The following STARD13 variants were observed in gnomAD, a reference collection of about 807,000 sequenced individuals.
The protein encoded by STARD13 is stAR-related lipid transfer protein 13.
Under a neutral mutation model 106.4 loss-of-function variants are expected in STARD13, and 62 were observed. The observed-to-expected ratio is 0.58, with a 90% CI of 0.48 to 0.72. STARD13 has a LOEUF of 0.72. Among genes scored for constraint, STARD13 ranks in the 30% least tolerant of loss-of-function variants. The pLI is 0.00. For synonymous variants in STARD13, 565 were observed against 553.0 expected, an observed-to-expected ratio of 1.02 and a Z score of -0.31; for missense variants, 1,387 against 1,424.0, an observed-to-expected ratio of 0.97 and a Z score of 0.42.
chr13:33,108,160 G>A (rs181612124), intron 12 of STARD13, among the ~76,000 whole-genome samples: 63 of 152,340 alleles, frequency 4.1e-4, no homozygotes, highest in Non-Finnish European at 7.3e-5. Context: ...CTAGCAATGG[G>A]TGTGACATGA....
intron 1 of STARD13, among the ~76,000 whole-genome samples, chr13:33,198,391 A>G (rs781372319): frequency 1.3e-5 from 2 of 151,930 alleles, no homozygotes. Context: ...CCTTGGCCCT[A>G]TCTGTCTCCT....
chr13:33,437,462 G>A, the STARD13 span, among the ~76,000 whole-genome samples: 6 of 152,098 alleles, frequency 3.9e-5, no homozygotes, highest in Admixed American at 1.3e-4. Context: ...CCTGCGGCTC[G>A]TCCTGCTACA....
the STARD13 span, among the ~76,000 whole-genome samples, chr13:33,632,518 TC>T: frequency 6.6e-6 from 1 of 152,214 alleles, no homozygotes; most frequent in South Asian, 2.1e-4. Flanking sequence ...TTGGGTGTAT[TC>T]AAGGGATTTT....
At chr13:33,315,906 T>C (rs1011230598) in intron 1 of STARD13, among the ~76,000 whole-genome samples, 5 of 152,012 alleles carry the variant, frequency 3.3e-5, no homozygotes, top group Admixed American at 6.6e-5. Context: ...TTGGGAGCAG[T>C]GGTTGATGCT....
chr13:33,249,780 A>ATTAT (rs746978904), intron 1 of STARD13, among the ~76,000 whole-genome samples: 11 of 151,862 alleles, frequency 7.2e-5, no homozygotes, highest in East Asian at 3.9e-4. Context: ...ATTATCTGTT[A>ATTAT]TTATTTATTT....
At chr13:33,567,340 A>G in the STARD13 span, among the ~76,000 whole-genome samples, 51 of 148,588 alleles carry the variant, frequency 3.4e-4, 6 homozygotes, top group South Asian at 9.2e-3. Context: ...GGAAAATCAG[A>G]TCTTAGTAAA....
intron 1 of STARD13, among the ~76,000 whole-genome samples, chr13:33,241,593 C>G (rs912716142): frequency 4.7e-5 from 7 of 149,982 alleles, no homozygotes; most frequent in African/African-American, 1.2e-4. Context: ...GATGCCGAGC[C>G]GAGGCTGGAC....
the STARD13 span, among the ~76,000 whole-genome samples, chr13:33,551,568 C>CT: frequency 8.9e-4 from 40 of 44,794 alleles, 17 homozygotes; most frequent in South Asian, 3.9e-3. Flanking sequence ...TTTGCTTTTC[C>CT]CTTTTTTTTT....
chr13:33,639,965 C>G, the STARD13 span, among the ~76,000 whole-genome samples: 1 of 152,132 alleles, frequency 6.6e-6, no homozygotes, highest in Non-Finnish European at 1.5e-5. Flanking sequence ...GTTTTTCTCT[C>G]GACATTGGGT....
intron 1 of STARD13, among the ~76,000 whole-genome samples, chr13:33,194,896 C>G (rs1886507441): frequency 6.6e-6 from 1 of 152,244 alleles, no homozygotes; most frequent in African/African-American, 2.4e-5. Flanking sequence ...GCAGCCCCCT[C>G]TTGTATAAAC....
intron 1 of STARD13, among the ~76,000 whole-genome samples, chr13:33,172,216 A>G (rs1301257961): frequency 2.0e-5 from 3 of 152,226 alleles, no homozygotes. Context: ...ATTTTCTTAT[A>G]TAATGATCTT....
the STARD13 span, among the ~76,000 whole-genome samples, chr13:33,651,485 T>C: frequency 1.3e-5 from 2 of 152,226 alleles, no homozygotes; most frequent in East Asian, 1.9e-4. Context: ...TTACACCCCC[T>C]GTCATTCTTA....
chr13:33,308,931 A>T lies in STARD13; in HGVS notation c.124+41359T>A, dbSNP rs76688894. 3.3e-5 allele frequency among the ~76,000 whole-genome samples: 5 copies of T among 152,222 alleles called. No individual in the cohort carries two copies. In the East Asian group the frequency reaches 9.6e-4, roughly 29 times the overall value. ...ATCATTGTCTGCCCACAGTAAGTGC[A>T]TGCTATGAGCTTCTTCCAAGCTCTG... is the stretch of plus-strand genomic sequence containing the variant. On this transcript the variant is annotated intron_variant, in intron 1 of 5. Transcript: ENST00000567873.
At chr13:33,476,297 C>CAT in the STARD13 span, among the ~76,000 whole-genome samples, 5 of 152,170 alleles carry the variant, frequency 3.3e-5, no homozygotes, top group Admixed American at 3.3e-4. Context: ...GTTGGACCTT[C>CAT]ATATATATAT....
At chr13:33,335,564 C>G (rs1040736052) in intron 1 of STARD13, among the ~76,000 whole-genome samples, 3 of 152,252 alleles carry the variant, frequency 2.0e-5, no homozygotes, top group Admixed American at 2.0e-4. Flanking sequence ...GTGCCTTGCA[C>G]ACGCCACTTA....
chr13:33,487,499 A>G, the STARD13 span, among the ~76,000 whole-genome samples: 1 of 152,216 alleles, frequency 6.6e-6, no homozygotes, highest in Non-Finnish European at 1.5e-5. Flanking sequence ...GGGAAAGTTC[A>G]GAATGTGGAT....
chr13:33,170,106 C>G (rs879136517), intron 1 of STARD13, among the ~76,000 whole-genome samples: 1 of 152,054 alleles, frequency 6.6e-6, no homozygotes, highest in Admixed American at 6.6e-5. Flanking sequence ...AACAGGGTAA[C>G]TACAGTCAAT....
rs1022555789 is a variant in STARD13, at chr13:33,163,307, C to T, written c.323+2030G>A. The stretch of plus-strand genomic sequence containing the variant: ...CCATATCAATAATGTTATACCTCAG[C>T]TGGGCTCGGTGGCTCACACCTGTAA... On this transcript the variant is annotated intron_variant, in intron 3 of 13. Transcript: ENST00000336934. Among the ~76,000 whole-genome samples the T allele has an allele frequency of 1.3e-5, 2 of 151,938 alleles. 1 individual carries two copies. The highest frequency in any genetic ancestry group is 4.8e-5 in the African/African-American group (2 of 41,344).
chr13:33,193,574 G>C (rs1455622875), intron 1 of STARD13, among the ~76,000 whole-genome samples: 1 of 152,162 alleles, frequency 6.6e-6, no homozygotes, highest in Non-Finnish European at 1.5e-5. Flanking sequence ...AACACAACCA[G>C]CGACAAACCA....
Sources: allele counts gnomAD v4.1 joint callset (sites outside exome capture counted in the v4.1 genomes callset), GRCh38; gene constraint gnomAD v4.1.1; transcripts MANE v1.5; gene names NCBI Gene and HGNC (gene_info 2026-07-23, HGNC 2026-07-21).